PLA2G4A: variants seen among roughly 807,000 people sequenced by gnomAD.
The protein encoded by PLA2G4A is phospholipase A2 group IVA, also known as cytosolic phospholipase A2.
A neutral mutation model predicts 81.9 loss-of-function variants in PLA2G4A; 40 were observed. The observed-to-expected ratio is 0.49, with a 90% CI of 0.38 to 0.64. The LOEUF (loss-of-function observed/expected upper bound fraction) is 0.64, where lower values mean the gene tolerates loss of function less well. Ranked by LOEUF, PLA2G4A falls within the 30% of genes least tolerant of loss-of-function variation. The pLI, the probability that PLA2G4A is intolerant of heterozygous loss-of-function variation, is 0.00. For missense variants in PLA2G4A, 715 were observed against 905.1 expected (o/e 0.79, Z 2.69); for synonymous variants, 302 against 296.9 (o/e 1.02, Z -0.18).
intron 16 of PLA2G4A, 140 bp from the exon 17 acceptor site, chr1:186,979,173 TAA>T: frequency 1.4e-6 from 1 of 695,964 alleles, no homozygotes. Context: ...ACAGACACGA[TAA>T]AAGTCAGAGA....
chr1:186,901,523 G>A (rs1654540667), intron 5 of PLA2G4A, among the ~76,000 whole-genome samples: 1 of 152,100 alleles, frequency 6.6e-6, no homozygotes, highest in Admixed American at 6.5e-5. Flanking sequence ...CTATAAACCT[G>A]GGAAGTGCTT....
intron 1 of PLA2G4A, among the ~76,000 whole-genome samples, chr1:186,836,742 A>G (rs1651791569): frequency 6.6e-6 from 1 of 152,254 alleles, no homozygotes; most frequent in Admixed American, 6.5e-5. Flanking sequence ...CATGCTAGGT[A>G]CTGTGCTACA....
intron 17 of PLA2G4A, among the ~76,000 whole-genome samples, chr1:186,983,591 G>T (rs1478422838): frequency 6.6e-6 from 1 of 152,154 alleles, no homozygotes; most frequent in Non-Finnish European, 1.5e-5. Flanking sequence ...CATGACAGCG[G>T]CCTGGGTTTC....
chr1:186,888,235 G>C (rs143520383), intron 3 of PLA2G4A, among the ~76,000 whole-genome samples: 1 of 152,290 alleles, frequency 6.6e-6, no homozygotes, highest in East Asian at 1.9e-4. Context: ...TAAACATGGT[G>C]TGGGTATTGT....
chr1:186,886,163 T>G (rs115998013), intron 3 of PLA2G4A, among the ~76,000 whole-genome samples: 2,313 of 152,216 alleles, frequency 0.015, 38 homozygotes, highest in Middle Eastern at 0.058. Context: ...TACCTGATAT[T>G]ACAATTAATA....
chr1:186,895,098 C>A (rs1654289058), intron 5 of PLA2G4A, among the ~76,000 whole-genome samples: 1 of 152,134 alleles, frequency 6.6e-6, no homozygotes, highest in African/African-American at 2.4e-5. Context: ...TTTGAGTCTC[C>A]ATGATAATTA....
At chr1:186,988,314 A>C (rs1051243583) in intron 17 of PLA2G4A, 63 bp from the exon 18 acceptor site, 1 of 1,268,462 alleles carries the variant, frequency 7.9e-7, no homozygotes, top group African/African-American at 1.5e-5. Context: ...TTTTATTTTA[A>C]TAAAAAATAT....
intron 3 of PLA2G4A, among the ~76,000 whole-genome samples, chr1:186,877,203 T>A (rs542504734): frequency 1.2e-3 from 184 of 152,144 alleles, no homozygotes; most frequent in African/African-American, 4.2e-3. Flanking sequence ...ACTACTCGCG[T>A]GTCCTGTGTC....
intron 13 of PLA2G4A, among the ~76,000 whole-genome samples, chr1:186,951,021 C>T (rs1431344063): frequency 6.6e-6 from 1 of 152,072 alleles, no homozygotes; most frequent in Non-Finnish European, 1.5e-5. Flanking sequence ...CTGATTAGAG[C>T]ACTAGGCTTC....
intron 10 of PLA2G4A, among the ~76,000 whole-genome samples, chr1:186,942,237 T>C (rs1656179344): frequency 6.6e-6 from 1 of 152,104 alleles, no homozygotes; most frequent in Non-Finnish European, 1.5e-5. Context: ...CATAATGAAA[T>C]TGCTTCCCCC....
chr1:186,936,368 G>A (rs1329490624), intron 8 of PLA2G4A, among the ~76,000 whole-genome samples: 1 of 151,956 alleles, frequency 6.6e-6, no homozygotes. Context: ...AGCTAAGTTT[G>A]TCTTCTTCCC....
intron 15 of PLA2G4A, among the ~76,000 whole-genome samples, chr1:186,969,268 A>G (rs371736497): frequency 1.0e-3 from 11 of 10,550 alleles, no homozygotes; most frequent in African/African-American, 2.1e-3. Context: ...TTAAATTTTT[A>G]TTTTTAATTA....
intron 10 of PLA2G4A, among the ~76,000 whole-genome samples, chr1:186,945,360 C>A (rs1173505123): frequency 6.6e-6 from 1 of 152,132 alleles, no homozygotes; most frequent in African/African-American, 2.4e-5. Context: ...AGGACGGAAA[C>A]TTGTCGGCCC....
chr1:186,888,332 G>T (rs915905192), intron 3 of PLA2G4A, among the ~76,000 whole-genome samples: 1 of 152,100 alleles, frequency 6.6e-6, no homozygotes, highest in African/African-American at 2.4e-5. Context: ...CTGAGAAGAT[G>T]GGTAGATAAT....
intron 7 of PLA2G4A, among the ~76,000 whole-genome samples, chr1:186,913,225 A>C (rs547368722): frequency 6.6e-6 from 1 of 152,078 alleles, no homozygotes; most frequent in East Asian, 1.9e-4. Flanking sequence ...AAGTTGAAGA[A>C]ATGATTTATA....
At chr1:186,920,206 A>G (rs1655297118) in intron 7 of PLA2G4A, among the ~76,000 whole-genome samples, 1 of 152,162 alleles carries the variant, frequency 6.6e-6, no homozygotes, top group Non-Finnish European at 1.5e-5. Flanking sequence ...TGTTCCTGGT[A>G]ACTTTAGCTG....
chr1:186,872,675 C>CTT (rs1653324886), intron 3 of PLA2G4A, among the ~76,000 whole-genome samples: 1 of 151,896 alleles, frequency 6.6e-6, no homozygotes, highest in South Asian at 2.1e-4. Flanking sequence ...GGCCCAGGCA[C>CTT]TTTGGCAATG....
intron 5 of PLA2G4A, among the ~76,000 whole-genome samples, chr1:186,894,581 A>G (rs1654269562): frequency 6.6e-6 from 1 of 152,076 alleles, no homozygotes; most frequent in Admixed American, 6.6e-5. Context: ...GAGAGAGAGA[A>G]CAAGTAAACA....
chr1:186,878,506 G>T (rs1483826850), intron 3 of PLA2G4A, among the ~76,000 whole-genome samples: 2 of 151,462 alleles, frequency 1.3e-5, no homozygotes, highest in Non-Finnish European at 3.0e-5. Context: ...GTTTCCCAAT[G>T]GTCTTTTCAT....
Sources: allele counts gnomAD v4.1 joint callset (sites outside exome capture counted in the v4.1 genomes callset), GRCh38; gene constraint gnomAD v4.1.1; transcripts MANE v1.5; gene names NCBI Gene and HGNC (gene_info 2026-07-23, HGNC 2026-07-21).